Variants in USP48 observed in about 807,000 individuals in gnomAD.
USP48 encodes the protein ubiquitin carboxyl-terminal hydrolase 48.
USP48 carries 43 observed loss-of-function variants against 150.7 expected under a neutral mutation model. That is an observed-to-expected ratio of 0.29 (90% confidence interval 0.22 to 0.37). USP48 has a LOEUF of 0.37. Ranked by LOEUF, USP48 falls within the 10% of genes least tolerant of loss-of-function variation. The probability of loss-of-function intolerance (pLI) is 1.00; values close to 1 mark genes in which losing one functional copy is unlikely to be tolerated. For synonymous variants in USP48, 396 were observed against 425.9 expected (o/e 0.93, Z 0.86); for missense variants, 813 against 1,249.6 (o/e 0.65, Z 5.27).
At chr1:21,722,561 GGGGC>G (rs2097724390) in intron 12 of USP48, among the ~76,000 whole-genome samples, 1 of 149,914 alleles carries the variant, frequency 6.7e-6, no homozygotes, top group Admixed American at 6.7e-5. Context: ...AAAAAAAACA[GGGGC>G]CAGATATGGT....
At chr1:21,749,376 G>A (rs1320115824) in intron 6 of USP48, among the ~76,000 whole-genome samples, 2 of 151,954 alleles carry the variant, frequency 1.3e-5, no homozygotes, top group African/African-American at 2.4e-5. Flanking sequence ...ACTCCCTTGG[G>A]GATTTTATCC....
rs551900406 is a variant in USP48, at chr1:21,725,605, T to G, written c.1451-1510A>C. On this transcript the variant is annotated intron_variant, in intron 11 of 26. Coordinates refer to ENST00000308271, the MANE Select transcript of USP48 (RefSeq NM_032236.8). ...CGTCTGTACTAAAAATACAAAAAAT[T>G]AGCTGGGCATGGCGGCACACGACTG... Among the ~76,000 whole-genome samples, 1,033 of 151,916 alleles carry G rather than the reference T, an allele frequency of 6.8e-3. 7 individuals are homozygous for G. Among genetic ancestry groups the G allele is most frequent in the Non-Finnish European group, 0.011 (780 of 67,990 alleles).
chr1:21,752,605 G>A lies in USP48; in HGVS notation c.587C>T (p.Thr196Ile). The change falls in exon 5 of 27, where the codon ACT (threonine) becomes ATT (isoleucine). Residue 196 changes from threonine to isoleucine, a missense_variant. Physicochemically the swap from Thr to Ile is moderately conservative, Grantham distance 89 (BLOSUM62 -1). Transcript: ENST00000308271. ...ATCTGGATTCTTTTGTTTAGACAAAGTATCTTCCAATAGAGACATAAAGAG... is the reference window on the plus strand; with the variant it reads ...ATCTGGATTCTTTTGTTTAGACAAAATATCTTCCAATAGAGACATAAAGAG... The part of the protein sequence containing the change: ...SKLFMSLLED[T>I]LSKQKNPDVR... 1.2e-6 allele frequency: 2 copies of A among 1,613,102 alleles called. No homozygotes were observed. The highest frequency in any genetic ancestry group is 1.7e-6 in the Non-Finnish European group (2 of 1,179,756).
intron 1 of USP48, among the ~76,000 whole-genome samples, chr1:21,780,658 G>C (rs1265856092): frequency 2.0e-5 from 3 of 151,644 alleles, no homozygotes; most frequent in Admixed American, 6.6e-5. Flanking sequence ...ACGTATTTTA[G>C]GATTCCATTT....
In USP48 at chr1:21,760,869, C is replaced by T. The variant is rs1041822839; in HGVS notation, c.135-3086G>A. 3.9e-5 allele frequency among the ~76,000 whole-genome samples: 6 copies of T among 151,924 alleles called. No individual in the cohort carries two copies. The East Asian group carries it at 1.2e-3, about 29-fold the overall frequency. On this transcript the variant is annotated intron_variant, in intron 1 of 26. Transcript: ENST00000308271. ...CAGCACTTTGGGAGGCTGAGGCAGGCGATCACCTGAGGTCGGGATTTCGAG... is the reference window on the plus strand; with the variant it reads ...CAGCACTTTGGGAGGCTGAGGCAGGTGATCACCTGAGGTCGGGATTTCGAG...
At chr1:21,724,703 CATTAT>C (rs1190142421) in intron 11 of USP48, 1 of 152,538 alleles carries the variant, frequency 6.6e-6, no homozygotes, top group Non-Finnish European at 1.5e-5. Flanking sequence ...ATGATCTCTT[CATTAT>C]ATTATTATTT....
At chr1:21,764,266 C>T (rs2097856535) in intron 1 of USP48, among the ~76,000 whole-genome samples, 1 of 152,068 alleles carries the variant, frequency 6.6e-6, no homozygotes, top group South Asian at 2.1e-4. Context: ...GGCGAAAACC[C>T]ATCTTTACTA....
chr1:21,768,206 CAAA>C (rs142268939), intron 1 of USP48: 3 of 132,146 alleles, frequency 2.3e-5, no homozygotes, highest in Non-Finnish European at 3.3e-5. Flanking sequence ...GACTCCGTCT[CAAA>C]AAAAAAAAAA....
intron 14 of USP48, among the ~76,000 whole-genome samples, chr1:21,718,790 T>C (rs1270264248): frequency 6.6e-6 from 1 of 151,902 alleles, no homozygotes; most frequent in African/African-American, 2.4e-5. Flanking sequence ...ACTTGTGACC[T>C]TGTGATCTGC....
chr1:21,754,833 C>G (rs919629972), intron 3 of USP48, among the ~76,000 whole-genome samples: 3 of 152,134 alleles, frequency 2.0e-5, no homozygotes. Context: ...TTCCAGGGCC[C>G]AGCACCTTCT....
At chr1:21,744,726 G>A (rs1338686484) in intron 8 of USP48, among the ~76,000 whole-genome samples, 1 of 134,242 alleles carries the variant, frequency 7.4e-6, no homozygotes, top group Non-Finnish European at 1.5e-5. Flanking sequence ...GCAGTGAGCC[G>A]AGATCATGCC....
Position 21,780,381 on chromosome 1 carries a change from C to T in USP48, c.134+2443G>A, listed in dbSNP as rs574129678. Among the ~76,000 whole-genome samples, 7 of 152,076 alleles carry T rather than the reference C, an allele frequency of 4.6e-5. No individual in the cohort carries two copies. In the East Asian group the frequency reaches 7.7e-4, roughly 17 times the overall value. ...AGACAGAAAGTAGATTAGCAGTTGC[C>T]AGGGGCTGGGCGAGGGGGGAAAATG... is the stretch of plus-strand genomic sequence containing the variant. On this transcript the variant is annotated intron_variant, in intron 1 of 26. Coordinates refer to ENST00000308271, the MANE Select transcript of USP48 (RefSeq NM_032236.8).
chr1:21,703,717 T>C, intron 20 of USP48, 99 bp from the exon 21 acceptor site: 2 of 909,684 alleles, frequency 2.2e-6, no homozygotes, highest in Non-Finnish European at 3.4e-6. Flanking sequence ...CTAGTGAATA[T>C]TCATTAAACT....
intron 1 of USP48, among the ~76,000 whole-genome samples, chr1:21,778,338 C>A (rs2097905287): frequency 6.6e-6 from 1 of 152,084 alleles, no homozygotes; most frequent in African/African-American, 2.4e-5. Flanking sequence ...TAAGACACCA[C>A]TTCGCACCCA....
chr1:21,686,559 A>G (rs182106073), intron 25 of USP48: 1 of 152,496 alleles, frequency 6.6e-6, no homozygotes, highest in East Asian at 1.9e-4. Flanking sequence ...TTTTACATCC[A>G]CTGGTTATTT....
chr1:21,692,033 A>G (rs141604448), intron 23 of USP48, among the ~76,000 whole-genome samples: 2 of 152,282 alleles, frequency 1.3e-5, no homozygotes, highest in African/African-American at 4.8e-5. Flanking sequence ...AGGGCCCAAG[A>G]GCTTGACAGG....
At chr1:21,741,362 C>T (rs560818875) in intron 8 of USP48, among the ~76,000 whole-genome samples, 2 of 152,300 alleles carry the variant, frequency 1.3e-5, no homozygotes, top group Admixed American at 6.5e-5. Flanking sequence ...ACAGCAACAA[C>T]GGATGCCCCA....
In USP48 at chr1:21,679,271, G is replaced by C; in HGVS notation, c.*146C>G. ...TGCTTTATTTGACATAAGGCATTTG[G>C]GACAGTCACGTTTGAATGGATTTCT... On this transcript the variant is annotated 3_prime_UTR_variant, in exon 27 of 27. Coordinates refer to ENST00000308271, the MANE Select transcript of USP48 (RefSeq NM_032236.8). The C allele has an allele frequency of 1.1e-6, 1 of 932,402 alleles. No individual in the cohort carries two copies. Among genetic ancestry groups the C allele is most frequent in the East Asian group, 2.7e-5 (1 of 36,486 alleles). The allele number at this position is 932,402 out of a possible 1,614,324, so 57.8% of individuals were successfully genotyped here.
chr1:21,713,250 G>A (rs138152348), intron 15 of USP48, among the ~76,000 whole-genome samples: 5 of 152,178 alleles, frequency 3.3e-5, no homozygotes, highest in African/African-American at 1.2e-4. Context: ...GAAAACTGAT[G>A]CATACGATCA....
Sources: gnomAD v4.1 joint callset for allele counts (sites outside exome capture counted in the v4.1 genomes callset) on GRCh38, gnomAD v4.1.1 for gene constraint, MANE v1.5 for transcripts, NCBI Gene and HGNC (gene_info 2026-07-23, HGNC 2026-07-21) for gene names.